Variants in LGR5 observed in about 807,000 individuals in gnomAD.
The protein encoded by LGR5 is leucine-rich repeat-containing G protein-coupled receptor 5.
A neutral mutation model predicts 76.7 loss-of-function variants in LGR5; 54 were observed. The observed-to-expected ratio is 0.70, with a 90% CI of 0.57 to 0.88. The LOEUF is 0.88. LGR5 is among the 40% of genes least tolerant of loss of function. LGR5 has a pLI of 0.00. For synonymous variants in LGR5, 406 were observed against 421.9 expected, an observed-to-expected ratio of 0.96 and a Z score of 0.46; for missense variants, 1,078 against 1,073.3, an observed-to-expected ratio of 1.00 and a Z score of -0.06.
At chr12:71,454,625 T>C (rs1872387360) in intron 1 of LGR5, among the ~76,000 whole-genome samples, 1 of 151,318 alleles carries the variant, frequency 6.6e-6, no homozygotes, top group Admixed American at 6.6e-5. Flanking sequence ...AGAGGTGAAG[T>C]TCAAGTCAGG....
At chr12:71,543,979 C>T (rs1046853788) in intron 4 of LGR5, among the ~76,000 whole-genome samples, 2 of 152,176 alleles carry the variant, frequency 1.3e-5, no homozygotes, top group African/African-American at 4.8e-5. Flanking sequence ...GAAGTTATTG[C>T]TCACATTACA....
At chr12:71,507,314 CT>C (rs999725639) in intron 2 of LGR5, among the ~76,000 whole-genome samples, 5 of 151,454 alleles carry the variant, frequency 3.3e-5, no homozygotes, top group African/African-American at 1.2e-4. Context: ...TTTATTTGCG[CT>C]TTTTTTTTCT....
In LGR5 at chr12:71,563,905, CATATACAT is replaced by C; in HGVS notation, c.857+2067_857+2074del. On this transcript the variant is annotated intron_variant, in intron 8 of 17. Coordinates refer to ENST00000266674, the MANE Select transcript of LGR5 (RefSeq NM_003667.4). ...TGTGTATATATATACTGTGTGTATA[CATATACAT>C]ATATACATATATATGTACACACACA... is the stretch of plus-strand genomic sequence containing the variant. Among the ~76,000 whole-genome samples, 4 of 151,086 alleles carry C rather than the reference CATATACAT, an allele frequency of 2.6e-5. 1 individual carries two copies. In the South Asian group the frequency reaches 6.3e-4, roughly 24 times the overall value.
Position 71,552,922 on chromosome 12 carries a change from GGA to G in LGR5, c.429-147_429-146del, listed in dbSNP as rs558402395. 2.6e-3 allele frequency: 1,649 copies of G among 633,340 alleles called. 12 individuals carry two copies. In the African/African-American group the frequency reaches 0.026, roughly 10 times the overall value. 39.2% of individuals were successfully genotyped at this position (633,340 alleles called of 1,614,324 possible). ...CATGAATGAGAAGGAGAGATCATCTGGAGAGGAAAATGCTCCAGATGTCAGGG... is the reference window on the plus strand; with the variant it reads ...CATGAATGAGAAGGAGAGATCATCTGGAGGAAAATGCTCCAGATGTCAGGG... On this transcript the variant is annotated intron_variant, in intron 4 of 17. Transcript: ENST00000266674.
chr12:71,582,434 T>C, intron 16 of LGR5, 22 bp from the exon 17 acceptor site: 1 of 1,607,922 alleles, frequency 6.2e-7, no homozygotes, highest in Non-Finnish European at 8.5e-7. Flanking sequence ...AACTAATCAT[T>C]CCAGGACTTC....
At chr12:71,457,465 G>A (rs1034076612) in intron 1 of LGR5, among the ~76,000 whole-genome samples, 1 of 152,092 alleles carries the variant, frequency 6.6e-6, no homozygotes, top group Non-Finnish European at 1.5e-5. Flanking sequence ...TAAAGTAAAG[G>A]GGATCAGAAA....
chr12:71,477,201 C>T (rs1381564529), intron 1 of LGR5, among the ~76,000 whole-genome samples: 1 of 152,036 alleles, frequency 6.6e-6, no homozygotes, highest in African/African-American at 2.4e-5. Flanking sequence ...CTCACACAGC[C>T]AGGCAACTGT....
chr12:71,495,757 G>C (rs58772625), intron 1 of LGR5, among the ~76,000 whole-genome samples: 3,635 of 151,240 alleles, frequency 0.024, 356 homozygotes, highest in African/African-American at 0.085. Context: ...TTAACTATTA[G>C]ACTATTAACT....
intron 1 of LGR5, among the ~76,000 whole-genome samples, chr12:71,482,299 T>A (rs1319942428): frequency 6.6e-6 from 1 of 152,146 alleles, no homozygotes; most frequent in Non-Finnish European, 1.5e-5. Flanking sequence ...ACAACTAAAA[T>A]TTATTTATTT....
chr12:71,526,573 A>G (rs778427834), intron 3 of LGR5, among the ~76,000 whole-genome samples: 2 of 152,206 alleles, frequency 1.3e-5, no homozygotes, highest in South Asian at 2.1e-4. Flanking sequence ...AATTATTACT[A>G]GAAATATAAA....
intron 8 of LGR5, among the ~76,000 whole-genome samples, chr12:71,562,344 C>A (rs1878104351): frequency 6.6e-6 from 1 of 152,154 alleles, no homozygotes; most frequent in Non-Finnish European, 1.5e-5. Context: ...CACATTTATA[C>A]AAACTAGGAT....
chr12:71,496,394 A>AGG (rs1874326091), intron 1 of LGR5, among the ~76,000 whole-genome samples: 1 of 138,020 alleles, frequency 7.2e-6, no homozygotes, highest in Non-Finnish European at 1.6e-5. Flanking sequence ...AAAAAAAAAG[A>AGG]GAGAGAGAGA....
At chr12:71,494,030 G>A (rs1311361132) in intron 1 of LGR5, among the ~76,000 whole-genome samples, 2 of 145,386 alleles carry the variant, frequency 1.4e-5, no homozygotes, top group Non-Finnish European at 3.0e-5. Context: ...TGCAAGCTCT[G>A]CCTCCCGGGT....
intron 3 of LGR5, among the ~76,000 whole-genome samples, chr12:71,534,687 A>T (rs765255567): frequency 5.9e-5 from 9 of 152,296 alleles, no homozygotes; most frequent in Non-Finnish European, 1.2e-4. Flanking sequence ...CTGCTCCTTT[A>T]ACAAGTCAAG....
chr12:71,559,421 T>A (rs772864870), intron 6 of LGR5, among the ~76,000 whole-genome samples, 165 bp from the exon 7 acceptor site: 3 of 152,186 alleles, frequency 2.0e-5, no homozygotes, highest in Non-Finnish European at 4.4e-5. Context: ...ACTTATAGAA[T>A]GTTGGTAGTC....
intron 4 of LGR5, among the ~76,000 whole-genome samples, chr12:71,548,301 C>CTGTGTGTGTGTGTGTGTG (rs10629001): frequency 2.9e-3 from 302 of 104,102 alleles, no homozygotes; most frequent in Middle Eastern, 5.7e-3. Context: ...CCTTGTTGCA[C>CTGTGTGTGTGTGTGTGTG]TGTGTGTGTG....
At chr12:71,545,906 A>G (rs927691484) in intron 4 of LGR5, among the ~76,000 whole-genome samples, 3 of 152,240 alleles carry the variant, frequency 2.0e-5, no homozygotes, top group African/African-American at 7.2e-5. Context: ...GCAGATTGGC[A>G]AAATGTTTCT....
In LGR5 at chr12:71,452,222, A is replaced by C. The variant is rs1330439144; in HGVS notation, c.212+11930A>C. ...CTCCTCTTGGGAACTGTGAGTAACA[A>C]ACTCCCTGTTTAATGGCAGTCACCT... On this transcript the variant is annotated intron_variant, in intron 1 of 17. Coordinates refer to ENST00000266674, the MANE Select transcript of LGR5 (RefSeq NM_003667.4). 3.9e-5 allele frequency among the ~76,000 whole-genome samples: 6 copies of C among 152,264 alleles called. No homozygotes were observed. The East Asian group carries it at 1.2e-3, about 29-fold the overall frequency.
At chr12:71,578,098 A>C in intron 14 of LGR5, 102 bp downstream of exon 14, 1 of 839,618 alleles carries the variant, frequency 1.2e-6, no homozygotes, top group Admixed American at 1.9e-5. Flanking sequence ...ATATGCACAG[A>C]TTACCTGCCT....
Sources: gnomAD v4.1 joint callset for allele counts (sites outside exome capture counted in the v4.1 genomes callset) on GRCh38, gnomAD v4.1.1 for gene constraint, MANE v1.5 for transcripts, NCBI Gene and HGNC (gene_info 2026-07-23, HGNC 2026-07-21) for gene names.